Variants in TPST1 observed in about 807,000 individuals in gnomAD.
TPST1 encodes the protein tyrosylprotein sulfotransferase 1.
Under a neutral mutation model 34.8 loss-of-function variants are expected in TPST1, and 20 were observed. The ratio of observed to expected loss-of-function variants is 0.57; its 90% CI spans 0.40 to 0.84. The LOEUF is 0.84. Ranked by LOEUF, TPST1 falls within the 40% of genes least tolerant of loss-of-function variation. The probability of loss-of-function intolerance (pLI) is 0.00; values close to 1 mark genes in which losing one functional copy is unlikely to be tolerated. For missense variants in TPST1, 353 were observed against 455.5 expected (o/e 0.78, Z 2.05); for synonymous variants, 152 against 159.4 (o/e 0.95, Z 0.35).
chr7:66,280,674 G>T (rs1283683620), intron 2 of TPST1, among the ~76,000 whole-genome samples: 1 of 152,096 alleles, frequency 6.6e-6, no homozygotes, highest in African/African-American at 2.4e-5. Flanking sequence ...AGGGCATCCT[G>T]GTCTTATTCT....
intron 3 of TPST1, among the ~76,000 whole-genome samples, chr7:66,326,529 A>G (rs1365649139): frequency 6.6e-6 from 1 of 152,230 alleles, no homozygotes; most frequent in African/African-American, 2.4e-5. Context: ...CAGAAATAAT[A>G]GCATTCCTGC....
intron 2 of TPST1, among the ~76,000 whole-genome samples, chr7:66,263,929 C>CA (rs1221625012): frequency 6.6e-6 from 1 of 152,060 alleles, no homozygotes; most frequent in African/African-American, 2.4e-5. Context: ...TGCTCATTCA[C>CA]AAAAAATGGC....
intron 3 of TPST1, among the ~76,000 whole-genome samples, chr7:66,320,251 T>TC (rs1429852609): frequency 5.6e-5 from 8 of 143,570 alleles, no homozygotes; most frequent in African/African-American, 2.1e-4. Flanking sequence ...TTTTCTTTTT[T>TC]TTTTTTTTTT....
intron 2 of TPST1, among the ~76,000 whole-genome samples, chr7:66,262,969 A>G (rs1403512339): frequency 6.6e-6 from 1 of 151,936 alleles, no homozygotes; most frequent in East Asian, 1.9e-4. Context: ...GTGTGGTGGC[A>G]TGTGCCTGTA....
chr7:66,281,028 T>G (rs1426816819), intron 2 of TPST1, among the ~76,000 whole-genome samples: 1 of 152,230 alleles, frequency 6.6e-6, no homozygotes, highest in Non-Finnish European at 1.5e-5. Context: ...TTGAGAGTTT[T>G]TAACATGAAG....
chr7:66,218,454 A>C (rs1364569980), intron 1 of TPST1, among the ~76,000 whole-genome samples: 2 of 152,212 alleles, frequency 1.3e-5, no homozygotes. Flanking sequence ...CTACCCTGTA[A>C]AAATTAAATA....
In TPST1 at chr7:66,309,557, C is replaced by T. The variant is rs113592714; in HGVS notation, c.1044+22848C>T. Among the ~76,000 whole-genome samples, 183 of 152,140 alleles carry T rather than the reference C, an allele frequency of 1.2e-3. 1 individual carries two copies. Among genetic ancestry groups the T allele is most frequent in the Non-Finnish European group, 2.3e-3 (156 of 68,014 alleles). Reference sequence around the variant, plus strand: ...GAGTAGGAACCTGACCCAACACAGGCAAATAAAGGTCTTTCCCTGGGACTG... The same window carrying T: ...GAGTAGGAACCTGACCCAACACAGGTAAATAAAGGTCTTTCCCTGGGACTG... On this transcript the variant is annotated intron_variant, in intron 3 of 5. Transcript: ENST00000304842.
chr7:66,286,006 T>A (rs1232729828), intron 2 of TPST1, among the ~76,000 whole-genome samples: 1 of 152,194 alleles, frequency 6.6e-6, no homozygotes, highest in Non-Finnish European at 1.5e-5. Context: ...CAACATTTTG[T>A]TACGAAAAGT....
chr7:66,199,354 GT>G, the TPST1 span, among the ~76,000 whole-genome samples: 1 of 148,376 alleles, frequency 6.7e-6, no homozygotes, highest in African/African-American at 2.5e-5. Context: ...GAGTGCAGTG[GT>G]GCAATCTCAG....
At chr7:66,327,250 A>C (rs1266217820) in intron 3 of TPST1, among the ~76,000 whole-genome samples, 1 of 152,224 alleles carries the variant, frequency 6.6e-6, no homozygotes, top group Non-Finnish European at 1.5e-5. Flanking sequence ...AGTTTGTCAG[A>C]AACTAAGGCT....
At chr7:66,317,879 C>G (rs1290709998) in intron 3 of TPST1, among the ~76,000 whole-genome samples, 1 of 152,116 alleles carries the variant, frequency 6.6e-6, no homozygotes, top group Non-Finnish European at 1.5e-5. Context: ...TACTGTCAGG[C>G]CAGGCACGGT....
intron 1 of TPST1, among the ~76,000 whole-genome samples, chr7:66,212,570 C>T (rs1789286860): frequency 6.6e-6 from 1 of 151,766 alleles, no homozygotes; most frequent in South Asian, 2.1e-4. Context: ...AGAGATTCTC[C>T]TGCCTCAGCC....
intron 3 of TPST1, among the ~76,000 whole-genome samples, chr7:66,303,763 G>A (rs1791365732): frequency 8.5e-5 from 13 of 152,138 alleles, no homozygotes; most frequent in Admixed American, 8.5e-4. Context: ...CAAGGACAAA[G>A]ATATCATTTG....
At chr7:66,246,244 T>C (rs1302913189) in intron 2 of TPST1, among the ~76,000 whole-genome samples, 2 of 140,144 alleles carry the variant, frequency 1.4e-5, no homozygotes, top group African/African-American at 5.3e-5. Flanking sequence ...TTACCCAGGC[T>C]GGATTCGAAC....
chr7:66,328,906 A>ATATTTAT (rs1299138303), intron 3 of TPST1, among the ~76,000 whole-genome samples: 1 of 13,158 alleles, frequency 7.6e-5, no homozygotes, highest in Non-Finnish European at 1.2e-4. Context: ...ATATATATAT[A>ATATTTAT]TTTTTTTTTT....
At chr7:66,232,987 G>C (rs1004287098) in intron 1 of TPST1, among the ~76,000 whole-genome samples, 1 of 152,084 alleles carries the variant, frequency 6.6e-6, no homozygotes, top group African/African-American at 2.4e-5. Context: ...TGTGCTTATT[G>C]ACCATTTGCA....
chr7:66,275,733 G>T (rs1050509399), intron 2 of TPST1, among the ~76,000 whole-genome samples: 1 of 152,136 alleles, frequency 6.6e-6, no homozygotes, highest in Non-Finnish European at 1.5e-5. Flanking sequence ...GAGGAGTGGG[G>T]ATTAGAGATG....
chr7:66,307,360 C>T (rs1791446250), intron 3 of TPST1, among the ~76,000 whole-genome samples: 2 of 150,452 alleles, frequency 1.3e-5, no homozygotes, highest in Admixed American at 6.6e-5. Flanking sequence ...CTTCGTGATC[C>T]GCCCGCCTCG....
intron 2 of TPST1, among the ~76,000 whole-genome samples, chr7:66,280,450 AT>A (rs1790910183): frequency 1.3e-5 from 2 of 152,280 alleles, no homozygotes; most frequent in South Asian, 4.1e-4. Flanking sequence ...TGGAAATGCT[AT>A]TTTTGTACAA....
Sources: allele counts gnomAD v4.1 joint callset (sites outside exome capture counted in the v4.1 genomes callset), GRCh38; gene constraint gnomAD v4.1.1; transcripts MANE v1.5; gene names NCBI Gene and HGNC (gene_info 2026-07-23, HGNC 2026-07-21).